TBCD: variants seen among roughly 807,000 people sequenced by gnomAD.
TBCD encodes the protein tubulin folding cofactor D.
TBCD carries 105 observed loss-of-function variants against 169.3 expected under a neutral mutation model. The observed-to-expected ratio is 0.62, with a 90% confidence interval of 0.53 to 0.73. The LOEUF (loss-of-function observed/expected upper bound fraction) is 0.73, where lower values mean the gene tolerates loss of function less well. TBCD is among the 30% of genes least tolerant of loss of function. The pLI is 0.00. For missense variants in TBCD, 1,444 were observed against 1,600.1 expected (o/e 0.90, Z 1.66); for synonymous variants, 700 against 643.9 (o/e 1.09, Z -1.32).
intron 15 of TBCD, among the ~76,000 whole-genome samples, chr17:82,887,325 C>T (rs2058827871): frequency 6.6e-6 from 1 of 152,152 alleles, no homozygotes; most frequent in South Asian, 2.1e-4. Flanking sequence ...TTTCCCTCTC[C>T]TGACCCTTGG....
At chr17:82,846,219 C>CG in intron 13 of TBCD, among the ~76,000 whole-genome samples, 1 of 152,126 alleles carries the variant, frequency 6.6e-6, no homozygotes, top group African/African-American at 2.4e-5. Context: ...CATGCCACGT[C>CG]CCCTCGTCCA....
At position 82,814,701 on chromosome 17, in the gene TBCD, G is replaced by T. The variant is rs1443084130; in HGVS notation, c.1224-139G>T. 6.4e-6 allele frequency: 5 copies of T among 780,512 alleles called. No individual in the cohort carries two copies. The South Asian group carries it at 8.1e-5, about 13-fold the overall frequency. The allele number at this position is 780,512 out of a possible 1,614,324, so 48.3% of individuals were successfully genotyped here. ...CAGCCTTGATACTTTAAAAACTTAG[G>T]AATGGGTTTTAGTGAGCCTTACGTG... On this transcript the variant is annotated intron_variant, in intron 12 of 38. Coordinates refer to ENST00000355528, the MANE Select transcript of TBCD (RefSeq NM_005993.5).
At chr17:82,818,861 G>C (rs921481525) in intron 13 of TBCD, among the ~76,000 whole-genome samples, 31 of 152,228 alleles carry the variant, frequency 2.0e-4, no homozygotes, top group African/African-American at 7.5e-4. Flanking sequence ...GAGGCCAGGA[G>C]TTCGAGACCA....
At chr17:82,818,191 C>G (rs2052098489) in intron 13 of TBCD, among the ~76,000 whole-genome samples, 1 of 152,232 alleles carries the variant, frequency 6.6e-6, no homozygotes. Flanking sequence ...TACACTGGCC[C>G]ATGACCTTCG....
chr17:82,872,686 C>A (rs548189802), intron 14 of TBCD, among the ~76,000 whole-genome samples: 1 of 152,256 alleles, frequency 6.6e-6, no homozygotes, highest in African/African-American at 2.4e-5. Flanking sequence ...AGTCACAGAA[C>A]GAGAAAACTT....
rs998461650 is a variant in TBCD at position 82,889,214 on chromosome 17, C to A, written c.1534-454C>A. ...TCTGGGCCTGTGCCCGGCCCTGGGA[C>A]TCGGCCTGGAGAGCCTATTGACACC... On this transcript the variant is annotated intron_variant, in intron 15 of 38. Coordinates refer to ENST00000355528, the MANE Select transcript of TBCD (RefSeq NM_005993.5). This position sits in a 1 kb window ranked among gnomAD's most constrained non-coding sequence, Gnocchi z 5.3. Among the ~76,000 whole-genome samples, 2 of 152,186 alleles carry A rather than the reference C, an allele frequency of 1.3e-5. No homozygotes were observed. The highest frequency in any genetic ancestry group is 4.8e-5 in the African/African-American group (2 of 41,438).
At chr17:82,800,525 G>T (rs2050434428) in intron 8 of TBCD, among the ~76,000 whole-genome samples, 1 of 151,796 alleles carries the variant, frequency 6.6e-6, no homozygotes, top group Non-Finnish European at 1.5e-5. Flanking sequence ...GGCCTGCGTG[G>T]TCTCTGTGGC....
chr17:82,766,422 C>G lies in TBCD; in HGVS notation c.435+54C>G, dbSNP rs570098800. ...CCAGCCCTCCGTGCCTGTCCTTCCT[C>G]CCTGCTTGCCCCACCCTGCTGCACC... On this transcript the variant is annotated intron_variant, in intron 4 of 38. Transcript: ENST00000355528. 32 of 1,302,366 alleles carry G rather than the reference C, an allele frequency of 2.5e-5. No homozygotes were observed. The South Asian group carries it at 3.8e-4, about 16-fold the overall frequency. The allele number at this position is 1,302,366 out of a possible 1,614,324, so 80.7% of individuals were successfully genotyped here. A position where few individuals can be genotyped will look rare whatever the true frequency, so the allele number is the denominator to read the frequency against.
intron 6 of TBCD, among the ~76,000 whole-genome samples, chr17:82,779,679 G>A (rs551228663): frequency 6.6e-6 from 1 of 152,346 alleles, no homozygotes; most frequent in African/African-American, 2.4e-5. Context: ...GAAGCATGGA[G>A]CCGGCTCTCG....
chr17:82,776,483 A>C (rs1308198201), intron 6 of TBCD, among the ~76,000 whole-genome samples: 1 of 152,240 alleles, frequency 6.6e-6, no homozygotes, highest in Non-Finnish European at 1.5e-5. Flanking sequence ...CAGTGCGTGT[A>C]CCGTGTTTAT....
At chr17:82,940,835 C>T (rs1482828526) in intron 37 of TBCD, among the ~76,000 whole-genome samples, 2 of 152,106 alleles carry the variant, frequency 1.3e-5, no homozygotes, top group Middle Eastern at 3.2e-3. Flanking sequence ...CCAGGTGTCC[C>T]GAGCGGGGCG....
Position 82,874,842 on chromosome 17 carries a change from C to T in TBCD, c.1475+4462C>T, listed in dbSNP as rs984468954. ...TAGGTGACCACATTTTAATTACCAG[C>T]TTTTATGCCCGTCAATTTGGGAACG... On this transcript the variant is annotated intron_variant, in intron 14 of 38. Transcript: ENST00000355528. This position sits in a 1 kb window ranked among gnomAD's most constrained non-coding sequence, Gnocchi z 5.0. 1.3e-5 allele frequency among the ~76,000 whole-genome samples: 2 copies of T among 152,220 alleles called. No individual in the cohort carries two copies. Among genetic ancestry groups the T allele is most frequent in the Admixed American group, 6.5e-5 (1 of 15,292 alleles).
chr17:82,819,936 A>G (rs934028471), intron 13 of TBCD, among the ~76,000 whole-genome samples: 11 of 151,742 alleles, frequency 7.2e-5, no homozygotes, highest in Admixed American at 1.3e-4. Flanking sequence ...GTTGGATACA[A>G]GAAGCACAGG....
In TBCD at chr17:82,809,786, T is replaced by A; in HGVS notation, c.1223+4T>A. ...GGTCTGTGCTGGACTGCTTCAGGTA[T>A]GTGAGAAGAGCAGGGGAGGCGTGTG... On this transcript the variant is annotated splice_donor_region_variant and intron_variant, in intron 12 of 38. Transcript: ENST00000355528. The A allele has an allele frequency of 6.2e-7, 1 of 1,613,258 alleles. No homozygotes were observed. The highest frequency in any genetic ancestry group is 2.2e-5 in the East Asian group (1 of 44,860).
At position 82,923,918 on chromosome 17, in the gene TBCD, C is replaced by G. The variant is rs2061565738; in HGVS notation, c.2260+185C>G. On this transcript the variant is annotated intron_variant, in intron 26 of 38. Transcript: ENST00000355528. The surrounding 1 kb of genome is among the most constrained non-coding windows in gnomAD (Gnocchi z 4.6). ...AGCTGTGGGCAGGTCCTGCAGCTGC[C>G]CAGGATGTTGCATCAGCTCTGAACA... Among the ~76,000 whole-genome samples, 1 of 152,044 alleles carries G rather than the reference C, an allele frequency of 6.6e-6. No individual in the cohort carries two copies. Among genetic ancestry groups the G allele is most frequent in the African/African-American group, 2.4e-5 (1 of 41,376 alleles).
chr17:82,858,477 G>T (rs2056497831), intron 13 of TBCD: 1 of 703,542 alleles, frequency 1.4e-6, no homozygotes, highest in South Asian at 6.4e-5. Flanking sequence ...ATGCAGGTTG[G>T]CCAGTCTGGC....
chr17:82,862,467 C>T (rs545980641), intron 13 of TBCD, among the ~76,000 whole-genome samples: 2 of 151,718 alleles, frequency 1.3e-5, no homozygotes, highest in South Asian at 4.2e-4. Context: ...GGGAACATGG[C>T]CTTGGGTTCT....
At chr17:82,765,683 A>G (rs1338715762) in intron 3 of TBCD, among the ~76,000 whole-genome samples, 1 of 152,230 alleles carries the variant, frequency 6.6e-6, no homozygotes, top group Admixed American at 6.5e-5. Context: ...GCTTCAGGGA[A>G]GTGTTAATGA....
At position 82,929,153 on chromosome 17, in the gene TBCD, G is replaced by T; in HGVS notation, c.2734G>T (p.Glu912Ter). ...IMCCVAQQAS[E>*]KIDRFRAHAA... ...GTGCTGTGTGGCCCAGCAGGCCAGTGAGAAGATTGACCGTTTCCGTGCTCA... is the reference window on the plus strand; with the variant it reads ...GTGCTGTGTGGCCCAGCAGGCCAGTTAGAAGATTGACCGTTTCCGTGCTCA... The change falls in exon 31 of 39, where the codon GAG becomes TAG. Residue 912 changes from glutamate to a stop codon, truncating the protein, a stop_gained. Coordinates refer to ENST00000355528, the MANE Select transcript of TBCD (RefSeq NM_005993.5). LOFTEE classifies it high-confidence loss of function. 1 of 1,613,216 alleles carries T rather than the reference G, an allele frequency of 6.2e-7. No individual in the cohort carries two copies.
Sources: allele counts gnomAD v4.1 joint callset (sites outside exome capture counted in the v4.1 genomes callset), GRCh38; gene constraint gnomAD v4.1.1; non-coding constraint Gnocchi (gnomAD v3.1); transcripts MANE v1.5; gene names NCBI Gene and HGNC (gene_info 2026-07-23, HGNC 2026-07-21).